The following XKR4 variants were observed in gnomAD, a reference collection of about 807,000 sequenced individuals.
XKR4 encodes the protein XK-related protein 4.
XKR4 carries 12 observed loss-of-function variants against 53.9 expected under a neutral mutation model. The ratio of observed to expected loss-of-function variants is 0.22; its 90% confidence interval spans 0.14 to 0.36. XKR4 has a LOEUF of 0.36. XKR4 is among the 10% of genes least tolerant of loss of function. The pLI, the probability that XKR4 is intolerant of heterozygous loss-of-function variation, is 1.00. For synonymous variants in XKR4, 354 were observed against 362.4 expected, an observed-to-expected ratio of 0.98 and a Z score of 0.26; for missense variants, 799 against 859.5, an observed-to-expected ratio of 0.93 and a Z score of 0.88.
Position 55,536,138 on chromosome 8 carries a change from C to T in XKR4, c.*11911C>T, listed in dbSNP as rs186595061. On this transcript the variant is annotated 3_prime_UTR_variant, in exon 3 of 3. Coordinates refer to ENST00000327381, the MANE Select transcript of XKR4 (RefSeq NM_052898.2). ...TTTACAAGCATTAGAATCTTTCACTCATATTGTGAATCTCAATTCTGCCAG... is the reference window on the plus strand; with the variant it reads ...TTTACAAGCATTAGAATCTTTCACTTATATTGTGAATCTCAATTCTGCCAG... The T allele has an allele frequency of 7.2e-5, 11 of 152,344 alleles. No individual in the cohort carries two copies. The highest frequency in any genetic ancestry group is 5.2e-4 in the Admixed American group (8 of 15,306). The allele number at this position is 152,344 out of a possible 1,614,324, so 9.4% of individuals were successfully genotyped here. A position where few individuals can be genotyped will look rare whatever the true frequency, so the allele number is the denominator to read the frequency against.
At chr8:55,308,359 T>G (rs543580389) in intron 1 of XKR4, among the ~76,000 whole-genome samples, 33 of 152,298 alleles carry the variant, frequency 2.2e-4, no homozygotes, top group African/African-American at 6.7e-4. Flanking sequence ...TGGGGAGGCC[T>G]AAGGAAACTT....
intron 1 of XKR4, among the ~76,000 whole-genome samples, chr8:55,281,869 T>A (rs1281819948): frequency 2.0e-5 from 3 of 151,486 alleles, no homozygotes; most frequent in Admixed American, 2.0e-4. Flanking sequence ...GTATTAACAA[T>A]TCTGAATTGC....
intron 1 of XKR4, among the ~76,000 whole-genome samples, chr8:55,204,103 C>T (rs1164527381): frequency 3.3e-5 from 5 of 152,024 alleles, no homozygotes; most frequent in Admixed American, 6.5e-5. Context: ...CTCAACCTCC[C>T]GGACTCAAGC....
chr8:55,140,756 G>A (rs1051119098), intron 1 of XKR4, among the ~76,000 whole-genome samples: 5 of 152,148 alleles, frequency 3.3e-5, no homozygotes, highest in African/African-American at 4.8e-5. Context: ...CCCATCCTGC[G>A]TTATGCTTGA....
intron 2 of XKR4, among the ~76,000 whole-genome samples, chr8:55,474,103 G>GT (rs1292782466): frequency 6.6e-6 from 1 of 151,918 alleles, no homozygotes; most frequent in Non-Finnish European, 1.5e-5. Flanking sequence ...TAGAGACGTG[G>GT]TCTCGCTATG....
At chr8:55,505,497 G>A (rs1806514143) in intron 2 of XKR4, among the ~76,000 whole-genome samples, 1 of 152,124 alleles carries the variant, frequency 6.6e-6, no homozygotes, top group Non-Finnish European at 1.5e-5. Flanking sequence ...GTTGCAGTGA[G>A]CTATGATTGC....
At chr8:55,504,553 G>T (rs1806495933) in intron 2 of XKR4, among the ~76,000 whole-genome samples, 1 of 151,994 alleles carries the variant, frequency 6.6e-6, no homozygotes, top group African/African-American at 2.4e-5. Flanking sequence ...TCTGGCTTTG[G>T]TATAAAGGTA....
At chr8:55,109,153 A>C (rs1049289205) in intron 1 of XKR4, among the ~76,000 whole-genome samples, 2 of 152,170 alleles carry the variant, frequency 1.3e-5, no homozygotes, top group Non-Finnish European at 2.9e-5. Context: ...TTTGCAGATC[A>C]ACTGGGCTTC....
chr8:55,356,209 A>G (rs1157861265), intron 1 of XKR4, among the ~76,000 whole-genome samples: 1 of 152,236 alleles, frequency 6.6e-6, no homozygotes, highest in Non-Finnish European at 1.5e-5. Flanking sequence ...TGATTGCAAT[A>G]TCATCAGTAT....
In XKR4 at chr8:55,130,524, C is replaced by T. The variant is rs1816539066; in HGVS notation, c.806+27230C>T. On this transcript the variant is annotated intron_variant, in intron 1 of 2. Coordinates refer to ENST00000327381, the MANE Select transcript of XKR4 (RefSeq NM_052898.2). ...GAAGTCTTGTCAGCCAAGGTGAGGA[C>T]TTCGGATTTTAATTTGGGCAATTGG... 2.0e-5 allele frequency among the ~76,000 whole-genome samples: 3 copies of T among 152,180 alleles called. No individual in the cohort carries two copies. The South Asian group carries it at 6.2e-4, about 32-fold the overall frequency.
chr8:55,294,768 T>A (rs1250173819), intron 1 of XKR4, among the ~76,000 whole-genome samples: 3 of 152,208 alleles, frequency 2.0e-5, no homozygotes, highest in Non-Finnish European at 4.4e-5. Context: ...GACACCTGCT[T>A]TGGTTACTTA....
chr8:55,315,964 C>A (rs1819468161), intron 1 of XKR4, among the ~76,000 whole-genome samples: 1 of 152,178 alleles, frequency 6.6e-6, no homozygotes, highest in South Asian at 2.1e-4. Flanking sequence ...ACTAATGAAT[C>A]TCACAGAGTC....
chr8:55,137,572 CTTT>C (rs369443865), intron 1 of XKR4, among the ~76,000 whole-genome samples: 14 of 130,772 alleles, frequency 1.1e-4, no homozygotes, highest in Admixed American at 2.3e-4. Flanking sequence ...CAGAAGAGAA[CTTT>C]TTTTTTTTTT....
At chr8:55,274,571 T>C (rs916746390) in intron 1 of XKR4, among the ~76,000 whole-genome samples, 3 of 152,114 alleles carry the variant, frequency 2.0e-5, no homozygotes, top group East Asian at 1.9e-4. Flanking sequence ...TAGCTGGGAC[T>C]ACAGGCTCGC....
intron 1 of XKR4, among the ~76,000 whole-genome samples, chr8:55,206,309 A>G (rs2129362938): frequency 1.3e-5 from 2 of 152,252 alleles, no homozygotes; most frequent in Middle Eastern, 3.4e-3. Context: ...GTCCGTTTTT[A>G]CAGAGGGCTG....
chr8:55,335,273 G>T (rs1443641239), intron 1 of XKR4, among the ~76,000 whole-genome samples: 2 of 152,034 alleles, frequency 1.3e-5, no homozygotes, highest in Non-Finnish European at 2.9e-5. Context: ...TATTTCCAAA[G>T]AATCATTTAC....
intron 1 of XKR4, chr8:55,164,543 T>C: frequency 2.3e-6 from 1 of 433,430 alleles, no homozygotes; most frequent in South Asian, 1.6e-5. Flanking sequence ...AACTTCTTTT[T>C]ACATTGAGGG....
chr8:55,154,177 A>G (rs1816876502), intron 1 of XKR4, among the ~76,000 whole-genome samples: 1 of 152,180 alleles, frequency 6.6e-6, no homozygotes, highest in African/African-American at 2.4e-5. Context: ...GGATTTGCAA[A>G]TCTGTTTTCG....
intron 1 of XKR4, among the ~76,000 whole-genome samples, chr8:55,150,165 G>T (rs936860812): frequency 4.6e-5 from 7 of 152,196 alleles, no homozygotes; most frequent in Non-Finnish European, 1.5e-5. Context: ...TGCTAAAATT[G>T]TTGTTGATCT....
Sources: gnomAD v4.1 joint callset for allele counts (sites outside exome capture counted in the v4.1 genomes callset) on GRCh38, gnomAD v4.1.1 for gene constraint, MANE v1.5 for transcripts, NCBI Gene and HGNC (gene_info 2026-07-23, HGNC 2026-07-21) for gene names.